PRELID2: variants seen among roughly 807,000 people sequenced by gnomAD.
PRELID2 encodes PRELI domain containing 2.
PRELID2 carries 25 observed loss-of-function variants against 28.4 expected under a neutral mutation model. The observed-to-expected ratio is 0.88, with a 90% CI of 0.64 to 1.23. The LOEUF (loss-of-function observed/expected upper bound fraction) is 1.23. Among genes scored for constraint, PRELID2 ranks in the 50% most tolerant of loss-of-function variants. PRELID2 has a pLI of 0.00. For missense variants in PRELID2, 201 were observed against 214.4 expected (o/e 0.94, Z 0.39); for synonymous variants, 76 against 71.6 (o/e 1.06, Z -0.31).
the PRELID2 span, among the ~76,000 whole-genome samples, chr5:145,359,616 A>G: frequency 4.1e-4 from 62 of 152,332 alleles, 1 homozygote; most frequent in East Asian, 0.011. Context: ...CTCCTCTACT[A>G]TCGAAAGCCA....
chr5:145,347,530 G>A, the PRELID2 span, among the ~76,000 whole-genome samples: 1 of 152,118 alleles, frequency 6.6e-6, no homozygotes, highest in Admixed American at 6.6e-5. Context: ...AGCTCACAAA[G>A]ATTCCGGAGT....
intron 5 of PRELID2, among the ~76,000 whole-genome samples, chr5:145,769,887 T>C (rs866914497): frequency 1.6e-4 from 25 of 152,350 alleles, no homozygotes; most frequent in African/African-American, 5.5e-4. Flanking sequence ...ACACAGCCTC[T>C]GAAAAACACT....
chr5:145,536,987 A>T lies in PRELID2; in HGVS notation n.71-63672T>A, dbSNP rs556751813. Among the ~76,000 whole-genome samples, 4 of 151,984 alleles carry T rather than the reference A, an allele frequency of 2.6e-5. No homozygotes were observed. In the East Asian group the frequency reaches 7.7e-4, roughly 29 times the overall value. On this transcript the variant is annotated intron_variant and non_coding_transcript_variant, in intron 1 of 2. Coordinates refer to the PRELID2 transcript ENST00000510259. Reference sequence around the variant, plus strand: ...ATTTTAAGTTTTTAATTTTTAAAAAATTATTAAATAAGCAAGTATTATCTA... The same window carrying T: ...ATTTTAAGTTTTTAATTTTTAAAAATTTATTAAATAAGCAAGTATTATCTA...
the PRELID2 span, among the ~76,000 whole-genome samples, chr5:145,293,920 G>C: frequency 6.6e-6 from 1 of 152,150 alleles, no homozygotes; most frequent in Admixed American, 6.6e-5. Flanking sequence ...ACTACTTGAT[G>C]AGTCAGTATA....
intron 1 of PRELID2, among the ~76,000 whole-genome samples, chr5:145,524,397 G>A (rs566299501): frequency 3.3e-5 from 5 of 152,266 alleles, no homozygotes; most frequent in African/African-American, 4.8e-5. Flanking sequence ...GCCATTTCCC[G>A]GGTACAGAGA....
chr5:145,400,998 C>G, the PRELID2 span, among the ~76,000 whole-genome samples: 30 of 152,110 alleles, frequency 2.0e-4, no homozygotes, highest in Admixed American at 1.3e-3. Context: ...TACCACCAGA[C>G]AGCCTCCCTC....
At chr5:145,345,872 C>T in the PRELID2 span, among the ~76,000 whole-genome samples, 13 of 151,826 alleles carry the variant, frequency 8.6e-5, no homozygotes, top group Non-Finnish European at 1.5e-4. Context: ...ATTTTACACA[C>T]TTCTCACTAG....
chr5:145,814,361 A>T (rs1049926398), intron 4 of PRELID2, among the ~76,000 whole-genome samples: 3 of 152,188 alleles, frequency 2.0e-5, no homozygotes, highest in African/African-American at 7.2e-5. Context: ...CAAAGAAAGG[A>T]GCTCTATTCT....
At chr5:145,378,399 T>G in the PRELID2 span, among the ~76,000 whole-genome samples, 1 of 152,186 alleles carries the variant, frequency 6.6e-6, no homozygotes, top group African/African-American at 2.4e-5. Flanking sequence ...GGTTTCATTC[T>G]CCCCATCTCT....
At chr5:145,624,181 A>T (rs1173107509) in intron 1 of PRELID2, among the ~76,000 whole-genome samples, 1 of 152,062 alleles carries the variant, frequency 6.6e-6, no homozygotes, top group African/African-American at 2.4e-5. Context: ...AGAGCATACC[A>T]CCTTCCCAGA....
the PRELID2 span, among the ~76,000 whole-genome samples, chr5:145,389,670 C>T: frequency 6.6e-6 from 1 of 152,042 alleles, no homozygotes; most frequent in African/African-American, 2.4e-5. Flanking sequence ...CTAAAAATCT[C>T]TCTTGGCAGC....
chr5:145,275,253 T>G, the PRELID2 span, among the ~76,000 whole-genome samples: 1 of 152,074 alleles, frequency 6.6e-6, no homozygotes. Flanking sequence ...AAGGAAGACA[T>G]GGCCCTGTCC....
At chr5:145,461,348 TGG>T in the PRELID2 span, among the ~76,000 whole-genome samples, 151,282 of 152,214 alleles carry the variant, frequency 0.99, 75,181 homozygotes, top group Middle Eastern at 1. Context: ...TCGCCCAGGC[TGG>T]GGGGTGCAGT....
intron 1 of PRELID2, among the ~76,000 whole-genome samples, chr5:145,620,635 C>T (rs1006554069): frequency 6.6e-6 from 1 of 152,084 alleles, no homozygotes; most frequent in Non-Finnish European, 1.5e-5. Flanking sequence ...ATTTGGGAGG[C>T]CAATGAAGGC....
chr5:145,486,043 G>T (rs1034826676), intron 1 of PRELID2, among the ~76,000 whole-genome samples: 3 of 152,134 alleles, frequency 2.0e-5, no homozygotes, highest in Admixed American at 6.5e-5. Flanking sequence ...GGAAATAGGA[G>T]GACCTATGTT....
intron 1 of PRELID2, among the ~76,000 whole-genome samples, chr5:145,573,846 G>T (rs1411395080): frequency 6.6e-6 from 1 of 152,090 alleles, no homozygotes; most frequent in East Asian, 1.9e-4. Context: ...GGGAGTGGAG[G>T]AACCCACACC....
At chr5:145,781,632 T>TACACACTATATATATACTATATATAC (rs1751610217) in intron 5 of PRELID2, among the ~76,000 whole-genome samples, 1 of 137,292 alleles carries the variant, frequency 7.3e-6, no homozygotes, top group African/African-American at 2.9e-5. Flanking sequence ...ACTATATATA[T>TACACACTATATATATACTATATATAC]ACACACTATA....
At chr5:145,305,054 A>G in the PRELID2 span, among the ~76,000 whole-genome samples, 1 of 152,204 alleles carries the variant, frequency 6.6e-6, no homozygotes, top group Admixed American at 6.5e-5. Context: ...ATGATGGCAG[A>G]TTGAATGCAT....
At chr5:145,374,366 G>T in the PRELID2 span, among the ~76,000 whole-genome samples, 14 of 152,212 alleles carry the variant, frequency 9.2e-5, 2 homozygotes, top group Middle Eastern at 0.037. Flanking sequence ...AGTCTGATGG[G>T]TTTCCCTTTG....
Sources: gnomAD v4.1 joint callset for allele counts (sites outside exome capture counted in the v4.1 genomes callset) on GRCh38, gnomAD v4.1.1 for gene constraint, MANE v1.5 for transcripts, NCBI Gene and HGNC (gene_info 2026-07-23, HGNC 2026-07-21) for gene names.